Variants in PARD3 observed in about 807,000 individuals in gnomAD.
PARD3 encodes par-3 family cell polarity regulator, also known as partitioning defective 3 homolog.
In PARD3, 75 loss-of-function variants were observed where a neutral mutation model predicts 155.4. That is an observed-to-expected ratio of 0.48 (90% CI 0.40 to 0.58). PARD3 has a LOEUF of 0.58. Ranked by LOEUF, PARD3 falls within the 20% of genes least tolerant of loss-of-function variation. The pLI is 0.00. For synonymous variants in PARD3, 576 were observed against 610.5 expected, an observed-to-expected ratio of 0.94 and a Z score of 0.83; for missense variants, 1,642 against 1,721.7, an observed-to-expected ratio of 0.95 and a Z score of 0.82.
At chr10:34,785,054 T>C (rs150178765) in intron 1 of PARD3, among the ~76,000 whole-genome samples, 60 of 152,362 alleles carry the variant, frequency 3.9e-4, no homozygotes, top group African/African-American at 1.3e-3. Context: ...AATATTAAAC[T>C]GATTACTTAA....
intron 22 of PARD3, among the ~76,000 whole-genome samples, chr10:34,264,411 G>T (rs913489429): frequency 2.0e-5 from 3 of 152,148 alleles, no homozygotes; most frequent in Non-Finnish European, 4.4e-5. Context: ...ATTCAGAACG[G>T]TTTTTGGCTT....
At chr10:34,297,467 A>G (rs992325110) in intron 20 of PARD3, among the ~76,000 whole-genome samples, 1 of 152,190 alleles carries the variant, frequency 6.6e-6, no homozygotes, top group Non-Finnish European at 1.5e-5. Context: ...CACGTAGCAC[A>G]CTGCTGGCAG....
intron 1 of PARD3, among the ~76,000 whole-genome samples, chr10:34,774,942 T>C (rs1208536452): frequency 2.0e-5 from 3 of 152,244 alleles, no homozygotes; most frequent in African/African-American, 7.2e-5. Flanking sequence ...AAGATGTATG[T>C]AATAGTAGAA....
At chr10:34,365,168 G>T (rs1051506987) in intron 12 of PARD3, among the ~76,000 whole-genome samples, 1 of 152,056 alleles carries the variant, frequency 6.6e-6, no homozygotes, top group Non-Finnish European at 1.5e-5. Context: ...TAGTGATATG[G>T]CCTACAAAAA....
intron 1 of PARD3, among the ~76,000 whole-genome samples, chr10:34,748,024 G>T (rs538138654): frequency 7.3e-5 from 11 of 150,594 alleles, no homozygotes; most frequent in Non-Finnish European, 1.6e-4. Context: ...AGGAATGGAC[G>T]TGGGGGTTAC....
chr10:34,628,547 A>T (rs114013823), intron 2 of PARD3, among the ~76,000 whole-genome samples: 4 of 152,214 alleles, frequency 2.6e-5, no homozygotes, highest in African/African-American at 7.2e-5. Context: ...TACAGAAACG[A>T]GTGGGTGTGG....
intron 2 of PARD3, among the ~76,000 whole-genome samples, chr10:34,683,888 C>G (rs1022737689): frequency 1.3e-5 from 2 of 152,210 alleles, no homozygotes; most frequent in Non-Finnish European, 2.9e-5. Context: ...CCAGTACCCA[C>G]AAAACACTTA....
At chr10:34,273,057 G>C (rs1955702835) in intron 21 of PARD3, among the ~76,000 whole-genome samples, 1 of 152,110 alleles carries the variant, frequency 6.6e-6, no homozygotes, top group Non-Finnish European at 1.5e-5. Context: ...AAATAGCCTG[G>C]TAGTATCTTT....
chr10:34,190,504 A>C (rs903430819), intron 22 of PARD3, among the ~76,000 whole-genome samples: 3 of 152,220 alleles, frequency 2.0e-5, no homozygotes, highest in Admixed American at 2.0e-4. Flanking sequence ...ACAGATATTT[A>C]CCCAAATAAT....
chr10:34,632,313 A>G (rs1253886848), intron 2 of PARD3, among the ~76,000 whole-genome samples: 1 of 152,162 alleles, frequency 6.6e-6, no homozygotes, highest in Non-Finnish European at 1.5e-5. Flanking sequence ...TCCATTCCCT[A>G]GATCACCCCC....
At chr10:34,192,356 CCAAAGT>C (rs1294590441) in intron 22 of PARD3, among the ~76,000 whole-genome samples, 1 of 152,154 alleles carries the variant, frequency 6.6e-6, no homozygotes, top group Non-Finnish European at 1.5e-5. Flanking sequence ...CCTTGGCCTC[CCAAAGT>C]GCTGGGATTA....
intron 2 of PARD3, among the ~76,000 whole-genome samples, chr10:34,688,952 AGCTGTG>A (rs1193644804): frequency 1.3e-5 from 2 of 152,202 alleles, no homozygotes; most frequent in Non-Finnish European, 1.5e-5. Context: ...GAGCCATTAA[AGCTGTG>A]GTTTTGTAAC....
chr10:34,713,300 GA>G lies in PARD3; in HGVS notation c.121-16882del, dbSNP rs545832951. Among the ~76,000 whole-genome samples the G allele has an allele frequency of 3.7e-3, 555 of 149,568 alleles. 2 individuals carry two copies. Among genetic ancestry groups the G allele is most frequent in the African/African-American group, 0.011 (432 of 40,886 alleles). On this transcript the variant is annotated intron_variant, in intron 1 of 24. Coordinates refer to ENST00000374788, the MANE Select transcript of PARD3 (RefSeq NM_001184785.2). ...ATAAAAACCTTTTCTTCTTAGAACA[GA>G]AAAAAAAATGGAATAGTGAAAGCTG...
chr10:34,730,136 T>C (rs2094791062), intron 1 of PARD3, among the ~76,000 whole-genome samples: 1 of 152,172 alleles, frequency 6.6e-6, no homozygotes, highest in Non-Finnish European at 1.5e-5. Context: ...ATAAACCTGA[T>C]ACCAAAATCA....
chr10:34,419,610 A>C (rs1314063973), intron 5 of PARD3, among the ~76,000 whole-genome samples: 1 of 152,228 alleles, frequency 6.6e-6, no homozygotes, highest in African/African-American at 2.4e-5. Context: ...ATGTATGTCT[A>C]TTTAGAAAAT....
At chr10:34,765,358 T>C (rs542235637) in intron 1 of PARD3, among the ~76,000 whole-genome samples, 2 of 152,216 alleles carry the variant, frequency 1.3e-5, no homozygotes, top group South Asian at 4.2e-4. Flanking sequence ...AGGCATGGTT[T>C]TGAGTAGAGC....
At chr10:34,370,756 T>A (rs1019174928) in intron 12 of PARD3, among the ~76,000 whole-genome samples, 4 of 152,000 alleles carry the variant, frequency 2.6e-5, no homozygotes, top group Non-Finnish European at 4.4e-5. Context: ...TGTAAATACT[T>A]CCTCCTTTTG....
chr10:34,442,499 G>A lies in PARD3; in HGVS notation c.714+7818C>T, dbSNP rs573571351. 2.6e-5 allele frequency among the ~76,000 whole-genome samples: 4 copies of A among 152,262 alleles called. No homozygotes were observed. The South Asian group carries it at 6.2e-4, about 24-fold the overall frequency. On this transcript the variant is annotated intron_variant, in intron 5 of 24. Coordinates refer to ENST00000374788, the MANE Select transcript of PARD3 (RefSeq NM_001184785.2). ...GGTGGCTCAGGCCGGTTGTCCTGGC[G>A]CACAAGGAGGCGAGGCTACGCATTC...
In PARD3 at chr10:34,233,434, C is replaced by T. The variant is rs537211993; in HGVS notation, c.3419+36223G>A. ...CTTCCATTCTCTCCCTCGATGATAT[C>T]GTCCATTTCCATGGTTTTAAATACC... On this transcript the variant is annotated intron_variant, in intron 22 of 24. Transcript: ENST00000374788. Among the ~76,000 whole-genome samples the T allele has an allele frequency of 1.4e-4, 21 of 152,150 alleles. 2 individuals are homozygous for T. The highest frequency in any genetic ancestry group is 4.8e-4 in the African/African-American group (20 of 41,442).
Sources: gnomAD v4.1 joint callset for allele counts (sites outside exome capture counted in the v4.1 genomes callset) on GRCh38, gnomAD v4.1.1 for gene constraint, MANE v1.5 for transcripts, NCBI Gene and HGNC (gene_info 2026-07-23, HGNC 2026-07-21) for gene names.